The following KIAA0825 variants were observed in gnomAD, a reference collection of about 807,000 sequenced individuals.
KIAA0825 encodes uncharacterized protein KIAA0825.
Under a neutral mutation model 147.6 loss-of-function variants are expected in KIAA0825, and 119 were observed. That is an observed-to-expected ratio of 0.81 (90% CI 0.69 to 0.94). The LOEUF (loss-of-function observed/expected upper bound fraction) is 0.94, where lower values mean the gene tolerates loss of function less well. Among genes scored for constraint, KIAA0825 ranks in the 40% least tolerant of loss-of-function variants. The pLI is 0.00. For missense variants in KIAA0825, 1,381 were observed against 1,472.7 expected (o/e 0.94, Z 1.02); for synonymous variants, 470 against 518.1 (o/e 0.91, Z 1.26).
chr5:94,505,371 A>AGTT (rs1765623051), intron 5 of KIAA0825, among the ~76,000 whole-genome samples: 1 of 151,934 alleles, frequency 6.6e-6, no homozygotes, highest in South Asian at 2.1e-4. Context: ...TAAAAAAAAA[A>AGTT]AAAAAAAGTT....
In KIAA0825 at chr5:94,151,498, C is replaced by T. The variant is rs1370648404; in HGVS notation, c.*2509G>A. Among the ~76,000 whole-genome samples, 1 of 147,714 alleles carries T rather than the reference C, an allele frequency of 6.8e-6. No individual in the cohort carries two copies. Among genetic ancestry groups the T allele is most frequent in the African/African-American group, 2.5e-5 (1 of 40,102 alleles). Reference sequence around the variant, plus strand: ...ATAATCTGATAAATCAATGACTTGTCACCTAATACTCTCAATTATAAACTT... The same window carrying T: ...ATAATCTGATAAATCAATGACTTGTTACCTAATACTCTCAATTATAAACTT... On this transcript the variant is annotated 3_prime_UTR_variant, in exon 21 of 21. Transcript: ENST00000682413.
chr5:94,611,136 A>G (rs912022669), intron 1 of KIAA0825, among the ~76,000 whole-genome samples: 1 of 152,110 alleles, frequency 6.6e-6, no homozygotes, highest in Admixed American at 6.5e-5. Flanking sequence ...ATATCACCCA[A>G]CTGGAATAAC....
At chr5:94,298,583 T>A (rs527795823) in intron 20 of KIAA0825, among the ~76,000 whole-genome samples, 1 of 152,318 alleles carries the variant, frequency 6.6e-6, no homozygotes, top group East Asian at 1.9e-4. Flanking sequence ...CACCTTATTT[T>A]TGAGGTTCCA....
chr5:94,250,807 A>C (rs1775917714), intron 20 of KIAA0825, among the ~76,000 whole-genome samples: 1 of 152,140 alleles, frequency 6.6e-6, no homozygotes, highest in Non-Finnish European at 1.5e-5. Context: ...TGACTGTTGA[A>C]GACATTTCTA....
chr5:94,230,332 C>T (rs1372587461), intron 20 of KIAA0825, among the ~76,000 whole-genome samples: 4 of 152,128 alleles, frequency 2.6e-5, no homozygotes. Flanking sequence ...AGAAATAAGT[C>T]TTCTATATCC....
intron 2 of KIAA0825, among the ~76,000 whole-genome samples, chr5:94,553,149 T>A (rs1379646972): frequency 6.6e-6 from 1 of 152,110 alleles, no homozygotes; most frequent in Non-Finnish European, 1.5e-5. Context: ...AATAAAAAAA[T>A]AAGTAAAGGC....
chr5:94,337,064 T>C (rs1562390636), intron 20 of KIAA0825, among the ~76,000 whole-genome samples: 1 of 152,184 alleles, frequency 6.6e-6, no homozygotes, highest in East Asian at 1.9e-4. Flanking sequence ...AAAATAGATA[T>C]CATATGATTC....
intron 20 of KIAA0825, among the ~76,000 whole-genome samples, chr5:94,217,459 G>C (rs1773301397): frequency 6.6e-6 from 1 of 152,144 alleles, no homozygotes; most frequent in Non-Finnish European, 1.5e-5. Flanking sequence ...ACAAAACTGA[G>C]CAGTGAGTGA....
chr5:94,357,654 C>A (rs569274866), intron 20 of KIAA0825, among the ~76,000 whole-genome samples: 19 of 152,280 alleles, frequency 1.2e-4, no homozygotes, highest in Admixed American at 1.0e-3. Flanking sequence ...TGTGACTCTG[C>A]GGTTGATTAA....
chr5:94,321,709 AC>A (rs1780216890), intron 20 of KIAA0825, among the ~76,000 whole-genome samples: 1 of 151,924 alleles, frequency 6.6e-6, no homozygotes, highest in Non-Finnish European at 1.5e-5. Flanking sequence ...GCAGCAAATC[AC>A]CCTTTTGTTC....
chr5:94,258,854 G>C (rs1004747108), intron 20 of KIAA0825, among the ~76,000 whole-genome samples: 12 of 152,110 alleles, frequency 7.9e-5, no homozygotes, highest in African/African-American at 2.9e-4. Context: ...CAGAATGGTT[G>C]TTATTGCATA....
intron 2 of KIAA0825, chr5:94,569,987 T>C (rs576529225): frequency 1.3e-5 from 2 of 153,276 alleles, no homozygotes; most frequent in South Asian, 4.1e-4. Context: ...TACGAATCTA[T>C]TGTCCGCCAT....
intron 20 of KIAA0825, among the ~76,000 whole-genome samples, chr5:94,320,449 C>T (rs1780056709): frequency 6.6e-6 from 1 of 151,970 alleles, no homozygotes; most frequent in African/African-American, 2.4e-5. Flanking sequence ...TATGTTTGTA[C>T]CCATTGACCA....
intron 2 of KIAA0825, among the ~76,000 whole-genome samples, chr5:94,539,993 G>C (rs576254302): frequency 1.1e-4 from 16 of 152,244 alleles, no homozygotes; most frequent in African/African-American, 3.1e-4. Flanking sequence ...AAACTTGAGA[G>C]CTGATGGAAC....
intron 14 of KIAA0825, among the ~76,000 whole-genome samples, chr5:94,421,900 C>G (rs555558324): frequency 8.1e-4 from 124 of 152,220 alleles, no homozygotes; most frequent in African/African-American, 2.9e-3. Context: ...CCCTGGAAAC[C>G]TAGTGAAAGT....
chr5:94,155,488 G>T (rs182586026), intron 20 of KIAA0825, among the ~76,000 whole-genome samples: 1 of 152,154 alleles, frequency 6.6e-6, no homozygotes, highest in Admixed American at 6.5e-5. Flanking sequence ...CCAAAGTGCT[G>T]GGAATACAGA....
rs535789835 is a variant in KIAA0825, at chr5:94,355,638, T to C, written c.3710+28730A>G. On this transcript the variant is annotated intron_variant, in intron 20 of 20. Coordinates refer to ENST00000682413, the MANE Select transcript of KIAA0825 (RefSeq NM_001145678.3). ...CTTACAATTTTTTGTACACTCTGTCTTTTCTTATACTAGGGTCATACATGT... is the reference window on the plus strand; with the variant it reads ...CTTACAATTTTTTGTACACTCTGTCCTTTCTTATACTAGGGTCATACATGT... Among the ~76,000 whole-genome samples the C allele has an allele frequency of 1.9e-4, 29 of 152,346 alleles. No individual in the cohort carries two copies. In the South Asian group the frequency reaches 4.1e-3, roughly 22 times the overall value.
At chr5:94,414,801 C>G (rs562844495) in intron 15 of KIAA0825, 1 of 152,398 alleles carries the variant, frequency 6.6e-6, no homozygotes, top group South Asian at 2.1e-4. Flanking sequence ...GTGAGCATTA[C>G]TGCTTGAGCT....
intron 20 of KIAA0825, among the ~76,000 whole-genome samples, chr5:94,229,424 A>G (rs1277125141): frequency 1.3e-5 from 2 of 151,592 alleles, no homozygotes; most frequent in Non-Finnish European, 2.9e-5. Flanking sequence ...GTGATGATGT[A>G]CATTGGTATG....
Sources: gnomAD v4.1 joint callset for allele counts (sites outside exome capture counted in the v4.1 genomes callset) on GRCh38, gnomAD v4.1.1 for gene constraint, MANE v1.5 for transcripts, NCBI Gene and HGNC (gene_info 2026-07-23, HGNC 2026-07-21) for gene names.